Variants in ALMS1 observed in about 807,000 individuals in gnomAD.
ALMS1 encodes the protein ALMS1 centrosome and basal body associated protein.
In ALMS1, 271 loss-of-function variants were observed where a neutral mutation model predicts 352.2. The observed-to-expected ratio is 0.77, with a 90% CI of 0.70 to 0.85. The LOEUF (loss-of-function observed/expected upper bound fraction) is 0.85. Ranked by LOEUF, ALMS1 falls within the 40% of genes least tolerant of loss-of-function variation. ALMS1 has a pLI of 0.00. For missense variants in ALMS1, 5,445 were observed against 4,870.7 expected (o/e 1.12, Z -3.51); for synonymous variants, 1,865 against 1,761.2 (o/e 1.06, Z -1.48).
At chr2:73,458,697 T>G (rs759801183) in intron 9 of ALMS1, 1 of 152,140 alleles carries the variant, frequency 6.6e-6, no homozygotes, top group African/African-American at 2.4e-5. Flanking sequence ...ACACAGTTGC[T>G]GAGGTAAAGT....
Position 73,449,981 on chromosome 2 carries a change from A to G in ALMS1, c.3454A>G (p.Ser1152Gly), listed in dbSNP as rs986217900. ...TSYSQHREKP[S>G]IFHQQALPGT... ...CTACTCACAACATAGAGAAAAGCCC[A>G]GCATTTTCCACCAGCAGGCCTTGCC... Residue 1152 changes from serine (S) to glycine (G), a missense_variant, in exon 8 of 23, where the codon AGC (serine) becomes GGC (glycine). Coordinates refer to ENST00000613296, the MANE Select transcript of ALMS1 (RefSeq NM_001378454.1). The G allele has an allele frequency of 6.2e-7, 1 of 1,614,060 alleles. No homozygotes were observed. Among genetic ancestry groups the G allele is most frequent in the Non-Finnish European group, 8.5e-7 (1 of 1,179,952 alleles).
chr2:73,462,399 C>A (rs1299042299), intron 9 of ALMS1, among the ~76,000 whole-genome samples: 2 of 152,102 alleles, frequency 1.3e-5, no homozygotes, highest in African/African-American at 4.8e-5. Flanking sequence ...TACAGACAAG[C>A]AAATGCTGAG....
intron 1 of ALMS1, among the ~76,000 whole-genome samples, chr2:73,387,493 C>A (rs1170461571): frequency 6.6e-6 from 1 of 152,006 alleles, no homozygotes; most frequent in African/African-American, 2.4e-5. Flanking sequence ...GTTAATCAGG[C>A]AAAGGGGAGG....
At position 73,573,414 on chromosome 2, in the gene ALMS1, GA is replaced by G; in HGVS notation, c.11538del (p.Arg3846SerfsTer5). ...GTGACTTCTGAGCACACCAGAAGGA[GA>G]CACATCCAGGTACATGGCTACAGAT... ...PLVTSEHTRR[R>X]HIQVANHVIS... On this transcript the variant is annotated frameshift_variant, in exon 16 of 23. Transcript: ENST00000613296. LOFTEE classifies it high-confidence loss of function. 1 of 1,614,026 alleles carries G rather than the reference GA, an allele frequency of 6.2e-7. No homozygotes were observed. The highest frequency in any genetic ancestry group is 8.5e-7 in the Non-Finnish European group (1 of 1,179,988).
At chr2:73,410,316 G>T (rs1671051050) in intron 2 of ALMS1, among the ~76,000 whole-genome samples, 1 of 152,146 alleles carries the variant, frequency 6.6e-6, no homozygotes, top group East Asian at 1.9e-4. Flanking sequence ...TTGAACCCAG[G>T]AGGTGGAGGT....
intron 9 of ALMS1, among the ~76,000 whole-genome samples, chr2:73,482,249 C>G (rs553203217): frequency 6.6e-6 from 1 of 152,110 alleles, no homozygotes; most frequent in African/African-American, 2.4e-5. Context: ...TGAAATACGT[C>G]CCATCAATAC....
rs1411219300 is a variant in ALMS1, at chr2:73,424,435, T to A, written c.770T>A (p.Ile257Asn). 5 of 1,550,548 alleles carry A rather than the reference T, an allele frequency of 3.2e-6. No homozygotes were observed. The highest frequency in any genetic ancestry group is 4.3e-6 in the Non-Finnish European group (5 of 1,151,198). The change falls in exon 5 of 23, where the codon ATT becomes AAT. Residue 257 changes from isoleucine (I) to asparagine (N), a missense_variant. Coordinates refer to ENST00000613296, the MANE Select transcript of ALMS1 (RefSeq NM_001378454.1). ...TTTTAACTATATATTTTCAGGGGAA[T>A]TCCTGATAAGTCTGAAGATACTGAA... ...SELSFAPLRG[I>N]PDKSEDTEWS...
intron 11 of ALMS1, among the ~76,000 whole-genome samples, chr2:73,533,649 A>G (rs1267962362): frequency 1.3e-5 from 2 of 152,202 alleles, no homozygotes; most frequent in African/African-American, 4.8e-5. Context: ...GTAAGGAGGT[A>G]GGGAAGTTGG....
chr2:73,602,362 A>C lies in ALMS1; in HGVS notation c.12292A>C (p.Lys4098Gln). Residue 4098 changes from lysine (K) to glutamine (Q), a missense_variant, in exon 20 of 23, where the codon AAG (lysine) becomes CAG (glutamine). Coordinates refer to ENST00000613296, the MANE Select transcript of ALMS1 (RefSeq NM_001378454.1). ...CCAGAATCGCATGTGCCCGCTGCCCAAGAGAGGTACGCCCTGCCCGTTCAC... is the reference window on the plus strand; with the variant it reads ...CCAGAATCGCATGTGCCCGCTGCCCCAGAGAGGTACGCCCTGCCCGTTCAC... Reference protein sequence around the residue: ...GHQNRMCPLPKRVFLAIQKNK... With the variant: ...GHQNRMCPLPQRVFLAIQKNK... 1 of 1,614,166 alleles carries C rather than the reference A, an allele frequency of 6.2e-7. No homozygotes were observed. Among genetic ancestry groups the C allele is most frequent in the Non-Finnish European group, 8.5e-7 (1 of 1,180,000 alleles).
intron 3 of ALMS1, among the ~76,000 whole-genome samples, chr2:73,419,730 T>C (rs1312790864): frequency 1.3e-5 from 2 of 152,214 alleles, no homozygotes; most frequent in Non-Finnish European, 1.5e-5. Flanking sequence ...AAGGCATATG[T>C]TATTATCCTT....
chr2:73,600,658 C>T lies in ALMS1; in HGVS notation c.11669-20C>T. The T allele has an allele frequency of 6.2e-7, 1 of 1,608,186 alleles. No homozygotes were observed. The highest frequency in any genetic ancestry group is 1.3e-5 in the African/African-American group (1 of 74,820). Reference sequence around the variant, plus strand: ...AGCCTCAAGGTTACTCCCAGAGACACCTATGATCCTTCCCCTCAGGTAACT... The same window carrying T: ...AGCCTCAAGGTTACTCCCAGAGACATCTATGATCCTTCCCCTCAGGTAACT... On this transcript the variant is annotated intron_variant, in intron 17 of 22. Coordinates refer to ENST00000613296, the MANE Select transcript of ALMS1 (RefSeq NM_001378454.1).
intron 10 of ALMS1, among the ~76,000 whole-genome samples, chr2:73,498,511 T>TG (rs1673154795): frequency 6.7e-6 from 1 of 150,206 alleles, no homozygotes; most frequent in South Asian, 2.1e-4. Context: ...TCTTTCTATT[T>TG]TGTGTGTGTG....
chr2:73,490,475 C>G lies in ALMS1; in HGVS notation c.8516C>G (p.Ser2839Cys), dbSNP rs1490828050. Residue 2839 changes from serine to cysteine, a missense_variant, in exon 10 of 23, where the codon TCT (serine) becomes TGT (cysteine). Physicochemically the swap from Ser to Cys is moderately radical, Grantham distance 112. Coordinates refer to ENST00000613296, the MANE Select transcript of ALMS1 (RefSeq NM_001378454.1). ...AGCAATTTCAAGGAAATTCAGATTT[C>G]TGATAACCATACCCTTATTAGCATG... ...NCSNFKEIQI[S>C]DNHTLISMGR... 1 of 1,614,170 alleles carries G rather than the reference C, an allele frequency of 6.2e-7. No individual in the cohort carries two copies. Among genetic ancestry groups the G allele is most frequent in the Non-Finnish European group, 8.5e-7 (1 of 1,180,042 alleles).
In ALMS1 at chr2:73,453,518, T is replaced by C. The variant is rs1060500038; in HGVS notation, c.6991T>C (p.Cys2331Arg). 4 of 1,613,490 alleles carry C rather than the reference T, an allele frequency of 2.5e-6. No homozygotes were observed. The highest frequency in any genetic ancestry group is 1.6e-4 in the Middle Eastern group (1 of 6,084). Residue 2331 changes from cysteine (C) to arginine (R), a missense_variant, in exon 8 of 23, where the codon TGC becomes CGC. By Grantham distance (180) the Cys-to-Arg change is radical. Transcript: ENST00000613296. ...CACAGAGGAAAGCCCAAGCAGCAGG[T>C]GCATACAGAAGGATATTGGCACACA... Reference protein sequence around the residue: ...PFTEESPSSRCIQKDIGTQTN... With the variant: ...PFTEESPSSRRIQKDIGTQTN...
Position 73,572,717 on chromosome 2 carries a change from C to G in ALMS1, c.10840C>G (p.Gln3614Glu). The change falls in exon 16 of 23, where the codon CAG becomes GAG. Residue 3614 changes from glutamine (Q) to glutamate (E), a missense_variant. Physicochemically the swap from Gln to Glu is conservative, Grantham distance 29. Coordinates refer to ENST00000613296, the MANE Select transcript of ALMS1 (RefSeq NM_001378454.1). ...KYRERQRQQRQPELGDRKELS... is the reference protein window; with the variant it reads ...KYRERQRQQREPELGDRKELS... ...TCGGGAGCGACAGAGGCAACAGAGACAGCCTGAGTTGGGTGACAGGAAAGA... is the reference window on the plus strand; with the variant it reads ...TCGGGAGCGACAGAGGCAACAGAGAGAGCCTGAGTTGGGTGACAGGAAAGA... 1.2e-6 allele frequency: 2 copies of G among 1,614,064 alleles called. No individual in the cohort carries two copies. The highest frequency in any genetic ancestry group is 2.2e-5 in the South Asian group (2 of 91,064).
At chr2:73,570,260 A>G (rs547002234) in intron 15 of ALMS1, among the ~76,000 whole-genome samples, 20 of 152,338 alleles carry the variant, frequency 1.3e-4, no homozygotes, top group African/African-American at 4.6e-4. Context: ...TATATCATGT[A>G]TATAGTTGGA....
At chr2:73,528,019 A>G (rs1361144718) in intron 11 of ALMS1, among the ~76,000 whole-genome samples, 1 of 152,152 alleles carries the variant, frequency 6.6e-6, no homozygotes, top group Admixed American at 6.5e-5. Flanking sequence ...CTGGTCATTC[A>G]GAAACATTAT....
At chr2:73,469,304 CAG>C (rs972477461) in intron 9 of ALMS1, among the ~76,000 whole-genome samples, 1 of 151,602 alleles carries the variant, frequency 6.6e-6, no homozygotes, top group Non-Finnish European at 1.5e-5. Flanking sequence ...AACTAGAAAA[CAG>C]AAAAATGATA....
At chr2:73,526,651 T>A (rs568997798) in intron 11 of ALMS1, among the ~76,000 whole-genome samples, 1 of 152,134 alleles carries the variant, frequency 6.6e-6, no homozygotes, top group South Asian at 2.1e-4. Flanking sequence ...TTCTGCAACT[T>A]TACTGAATTT....
Sources: gnomAD v4.1 joint callset for allele counts (sites outside exome capture counted in the v4.1 genomes callset) on GRCh38, gnomAD v4.1.1 for gene constraint, MANE v1.5 for transcripts, NCBI Gene and HGNC (gene_info 2026-07-23, HGNC 2026-07-21) for gene names.